Variants in ARHGAP44 observed in about 807,000 individuals in gnomAD.
The protein encoded by ARHGAP44 is Rho GTPase activating protein 44.
Under a neutral mutation model 106.8 loss-of-function variants are expected in ARHGAP44, and 43 were observed. The observed-to-expected ratio is 0.40, with a 90% CI of 0.32 to 0.52. ARHGAP44 has a LOEUF of 0.52. Ranked by LOEUF, ARHGAP44 falls within the 20% of genes least tolerant of loss-of-function variation. The pLI is 0.48. For missense variants in ARHGAP44, 866 were observed against 1,050.5 expected (o/e 0.82, Z 2.43); for synonymous variants, 439 against 410.3 (o/e 1.07, Z -0.85).
At chr17:12,854,913 A>G (rs550753794) in intron 1 of ARHGAP44, among the ~76,000 whole-genome samples, 1 of 148,058 alleles carries the variant, frequency 6.8e-6, no homozygotes, top group South Asian at 2.2e-4. Context: ...AGCCGAGATC[A>G]TGCCATTGTA....
rs757585682 is a variant in ARHGAP44 at position 12,978,035 on chromosome 17, T to TAAAAAAAAAAGA, written c.1764-2023_1764-2022insAAAAAAAAAAGA. Among the ~76,000 whole-genome samples the TAAAAAAAAAAGA allele has an allele frequency of 3.6e-5, 2 of 55,562 alleles. 1 individual carries two copies. The highest frequency in any genetic ancestry group is 6.3e-5 in the Non-Finnish European group (2 of 32,000). The allele number at this position is 55,562 out of a possible 152,430, so 36.5% of individuals were successfully genotyped here. On this transcript the variant is annotated intron_variant, in intron 18 of 20. Coordinates refer to ENST00000379672, the MANE Select transcript of ARHGAP44 (RefSeq NM_014859.6). Reference sequence around the variant, plus strand: ...CTGGGCAACAGAGCAAGACTCCATCTCAAAAAAAAAAAAAAAAAAAAGTGT... The same window carrying TAAAAAAAAAAGA: ...CTGGGCAACAGAGCAAGACTCCATCTAAAAAAAAAAGACAAAAAAAAAAAAAAAAAAAAGTGT...
intron 10 of ARHGAP44, among the ~76,000 whole-genome samples, chr17:12,948,861 A>T (rs936948227): frequency 6.6e-6 from 1 of 152,016 alleles, no homozygotes; most frequent in Non-Finnish European, 1.5e-5. Flanking sequence ...AGTGCCCAAG[A>T]TTCATTTATC....
intron 1 of ARHGAP44, among the ~76,000 whole-genome samples, chr17:12,800,218 A>T (rs555655539): frequency 9.8e-5 from 15 of 152,322 alleles, no homozygotes; most frequent in African/African-American, 3.6e-4. Flanking sequence ...CTTGAAATTG[A>T]TACCCATTTG....
chr17:12,904,847 T>A (rs1319867002), intron 3 of ARHGAP44, among the ~76,000 whole-genome samples: 1 of 152,168 alleles, frequency 6.6e-6, no homozygotes, highest in East Asian at 1.9e-4. Context: ...GGTTGAGGGA[T>A]GAGTGAGTGT....
rs562549403 is a variant in ARHGAP44 at position 12,789,721 on chromosome 17, C to G, written c.-118C>G. 5 of 958,028 alleles carry G rather than the reference C, an allele frequency of 5.2e-6. No individual in the cohort carries two copies. The highest frequency in any genetic ancestry group is 3.4e-5 in the East Asian group (1 of 29,496). The allele number at this position is 958,028 out of a possible 1,614,324, so 59.3% of individuals were successfully genotyped here. ...GCGGGCCAGACGGCGCCCGGAGGCT[C>G]CGCAGTGCCGCCGCCGTCGCCCGGG... On this transcript the variant is annotated 5_prime_UTR_variant, in exon 1 of 21. Coordinates refer to ENST00000379672, the MANE Select transcript of ARHGAP44 (RefSeq NM_014859.6).
chr17:12,836,899 A>G (rs866921063), intron 1 of ARHGAP44, among the ~76,000 whole-genome samples: 1 of 152,228 alleles, frequency 6.6e-6, no homozygotes, highest in South Asian at 2.1e-4. Flanking sequence ...ACAAAGGAGA[A>G]CTGAACAATG....
chr17:12,871,256 A>G (rs1421840463), intron 1 of ARHGAP44, among the ~76,000 whole-genome samples: 2 of 152,164 alleles, frequency 1.3e-5, no homozygotes, highest in Non-Finnish European at 2.9e-5. Flanking sequence ...CCAATGCTGT[A>G]GGTGGGGCCT....
At chr17:12,983,868 A>T in intron 19 of ARHGAP44, among the ~76,000 whole-genome samples, 1 of 152,322 alleles carries the variant, frequency 6.6e-6, no homozygotes, top group South Asian at 2.1e-4. Flanking sequence ...CGATCCATAC[A>T]TGCTTAGACC....
At chr17:12,987,029 T>TC (rs1255443528) in intron 20 of ARHGAP44, 29 of 1,325,220 alleles carry the variant, frequency 2.2e-5, no homozygotes, top group Non-Finnish European at 2.9e-5. Flanking sequence ...AGCTTTTTTT[T>TC]TTTTTTTTTG....
Position 12,991,414 on chromosome 17 carries a change from T to G in ARHGAP44, c.*1243T>G, listed in dbSNP as rs2040143987. On this transcript the variant is annotated 3_prime_UTR_variant, in exon 21 of 21. Transcript: ENST00000379672. ...AATGTACAGGTGTACAATGAAAAATTTAAATGCTTAGTTATTTTTCCCAAC... is the reference window on the plus strand; with the variant it reads ...AATGTACAGGTGTACAATGAAAAATGTAAATGCTTAGTTATTTTTCCCAAC... 1 of 161,200 alleles carries G rather than the reference T, an allele frequency of 6.2e-6. No individual in the cohort carries two copies. The highest frequency in any genetic ancestry group is 6.5e-5 in the Admixed American group (1 of 15,454). 10.0% of individuals were successfully genotyped at this position (161,200 alleles called of 1,614,324 possible). A position where few individuals can be genotyped will look rare whatever the true frequency, so the allele number is the denominator to read the frequency against.
chr17:12,989,101 C>CG (rs1598173210), intron 20 of ARHGAP44, among the ~76,000 whole-genome samples: 12 of 45,160 alleles, frequency 2.7e-4, no homozygotes, highest in African/African-American at 6.8e-4. Flanking sequence ...CCACCCCCCC[C>CG]AAAAAAAAAA....
intron 1 of ARHGAP44, among the ~76,000 whole-genome samples, chr17:12,878,173 G>A (rs2036615690): frequency 6.6e-6 from 1 of 151,896 alleles, no homozygotes; most frequent in Non-Finnish European, 1.5e-5. Flanking sequence ...GTGGGATTCT[G>A]TTAATGGAAA....
chr17:12,870,700 C>G (rs1482899998), intron 1 of ARHGAP44, among the ~76,000 whole-genome samples: 2 of 152,164 alleles, frequency 1.3e-5, no homozygotes, highest in African/African-American at 4.8e-5. Context: ...GTTTATACTG[C>G]TAGTTTACAT....
At chr17:12,931,885 A>G (rs549495426) in intron 7 of ARHGAP44, among the ~76,000 whole-genome samples, 2 of 143,630 alleles carry the variant, frequency 1.4e-5, no homozygotes, top group African/African-American at 5.6e-5. Context: ...CACACATATC[A>G]TGATTTATTT....
intron 3 of ARHGAP44, among the ~76,000 whole-genome samples, chr17:12,906,346 G>A (rs775964319): frequency 1.1e-4 from 17 of 152,160 alleles, no homozygotes; most frequent in African/African-American, 3.9e-4. Flanking sequence ...TATACCTGGA[G>A]TTGGTGTCAG....
At chr17:12,983,810 GA>G (rs879307135) in intron 19 of ARHGAP44, among the ~76,000 whole-genome samples, 3 of 148,734 alleles carry the variant, frequency 2.0e-5, no homozygotes, top group Non-Finnish European at 3.0e-5. Flanking sequence ...GTCTCCAAAA[GA>G]AAAAAAAACA....
chr17:12,791,115 T>C (rs544345507), intron 1 of ARHGAP44, among the ~76,000 whole-genome samples: 1 of 152,206 alleles, frequency 6.6e-6, no homozygotes, highest in South Asian at 2.1e-4. Context: ...ACAGTGGGCA[T>C]TTGAGGGCAG....
At position 12,919,539 on chromosome 17, in the gene ARHGAP44, C is replaced by A. The variant is rs1039997217; in HGVS notation, c.388-216C>A. 3.3e-5 allele frequency among the ~76,000 whole-genome samples: 5 copies of A among 152,098 alleles called. No individual in the cohort carries two copies. The East Asian group carries it at 7.7e-4, about 23-fold the overall frequency. On this transcript the variant is annotated intron_variant, in intron 5 of 20. Transcript: ENST00000379672. ...TAACTGGAATTACAGGCGCATGCCACCACATCTGGTTAATTTTTGTATTTT... is the reference window on the plus strand; with the variant it reads ...TAACTGGAATTACAGGCGCATGCCAACACATCTGGTTAATTTTTGTATTTT...
intron 1 of ARHGAP44, among the ~76,000 whole-genome samples, chr17:12,855,355 C>T (rs1300954038): frequency 6.6e-6 from 1 of 152,132 alleles, no homozygotes; most frequent in Non-Finnish European, 1.5e-5. Context: ...TATTGTTTGT[C>T]ATTTATTATA....
Sources: gnomAD v4.1 joint callset for allele counts (sites outside exome capture counted in the v4.1 genomes callset) on GRCh38, gnomAD v4.1.1 for gene constraint, MANE v1.5 for transcripts, NCBI Gene and HGNC (gene_info 2026-07-23, HGNC 2026-07-21) for gene names.